Variants in CDH12 observed in about 807,000 individuals in gnomAD.
The protein encoded by CDH12 is cadherin-12.
In CDH12, 41 loss-of-function variants were observed where a neutral mutation model predicts 74.1. That is an observed-to-expected ratio of 0.55 (90% CI 0.43 to 0.72). CDH12 has a LOEUF of 0.72. Ranked by LOEUF, CDH12 falls within the 30% of genes least tolerant of loss-of-function variation. The pLI is 0.00. For synonymous variants in CDH12, 399 were observed against 355.0 expected (o/e 1.12, Z -1.39); for missense variants, 945 against 977.2 (o/e 0.97, Z 0.44).
chr5:21,944,295 T>A (rs1755471297), intron 6 of CDH12, among the ~76,000 whole-genome samples: 2 of 152,096 alleles, frequency 1.3e-5, no homozygotes, highest in South Asian at 4.1e-4. Context: ...GAACCCCGAG[T>A]TTAATCAATT....
intron 4 of CDH12, among the ~76,000 whole-genome samples, chr5:22,111,218 G>T (rs908151561): frequency 1.3e-5 from 2 of 152,014 alleles, no homozygotes; most frequent in Non-Finnish European, 2.9e-5. Flanking sequence ...TACCACTATG[G>T]AGGTAACACT....
intron 2 of CDH12, among the ~76,000 whole-genome samples, chr5:22,452,522 G>T (rs902346740): frequency 6.6e-6 from 1 of 151,680 alleles, no homozygotes; most frequent in Admixed American, 6.6e-5. Context: ...ATCCACATGC[G>T]GAAGAATGAA....
intron 4 of CDH12, among the ~76,000 whole-genome samples, chr5:22,135,206 A>T (rs1274970540): frequency 7.8e-6 from 1 of 128,958 alleles, no homozygotes; most frequent in Non-Finnish European, 1.7e-5. Context: ...CTGAACACAT[A>T]AGCAAAAAAA....
chr5:21,770,317 G>T (rs1473732342), intron 11 of CDH12, among the ~76,000 whole-genome samples: 1 of 152,092 alleles, frequency 6.6e-6, no homozygotes, highest in Admixed American at 6.6e-5. Flanking sequence ...ACATCTCTTT[G>T]GAATAACTAT....
chr5:21,810,747 T>G (rs528794549), intron 9 of CDH12, among the ~76,000 whole-genome samples: 18 of 151,240 alleles, frequency 1.2e-4, no homozygotes, highest in African/African-American at 4.1e-4. Context: ...AACAACAGCA[T>G]TCATGTGTTT....
At chr5:21,871,127 T>A (rs1166097262) in intron 6 of CDH12, among the ~76,000 whole-genome samples, 2 of 152,106 alleles carry the variant, frequency 1.3e-5, no homozygotes, top group East Asian at 1.9e-4. Flanking sequence ...TTTAAAAAAA[T>A]TTCTGAAGAT....
chr5:21,853,308 A>G (rs1445501588), intron 7 of CDH12, among the ~76,000 whole-genome samples: 1 of 151,628 alleles, frequency 6.6e-6, no homozygotes, highest in Non-Finnish European at 1.5e-5. Flanking sequence ...TATCGAAATC[A>G]GAGGAGCTTC....
rs192394832 is a variant in CDH12 at position 22,686,734 on chromosome 5, T to C, written c.-523+166324A>G. Reference sequence around the variant, plus strand: ...TCGTTCACTGAGTTGTTTTCAAGATTAAATTAAATTCAATAATACACATAA... The same window carrying C: ...TCGTTCACTGAGTTGTTTTCAAGATCAAATTAAATTCAATAATACACATAA... On this transcript the variant is annotated intron_variant, in intron 1 of 14. Coordinates refer to ENST00000382254, the MANE Select transcript of CDH12 (RefSeq NM_004061.5). Among the ~76,000 whole-genome samples the C allele has an allele frequency of 8.5e-5, 13 of 152,290 alleles. No homozygotes were observed. The East Asian group carries it at 1.2e-3, about 14-fold the overall frequency.
chr5:22,340,932 C>A (rs1739821550), intron 3 of CDH12, among the ~76,000 whole-genome samples: 2 of 152,138 alleles, frequency 1.3e-5, no homozygotes, highest in Admixed American at 1.3e-4. Context: ...GTAGTCACAT[C>A]TTTGGCATCT....
At chr5:22,550,286 T>A (rs867822727) in intron 1 of CDH12, among the ~76,000 whole-genome samples, 15 of 152,208 alleles carry the variant, frequency 9.9e-5, no homozygotes, top group South Asian at 2.1e-4. Context: ...ATATCATTTG[T>A]ATCTTGAACA....
chr5:22,536,504 T>C (rs986425182), intron 1 of CDH12, among the ~76,000 whole-genome samples: 12 of 152,102 alleles, frequency 7.9e-5, no homozygotes, highest in Non-Finnish European at 1.6e-4. Flanking sequence ...GAAAGTGGTA[T>C]TTTTTACAGG....
At chr5:22,253,166 C>A (rs1753190147) in intron 3 of CDH12, among the ~76,000 whole-genome samples, 1 of 151,712 alleles carries the variant, frequency 6.6e-6, no homozygotes, top group Admixed American at 6.6e-5. Flanking sequence ...ATATAATATA[C>A]TAATGTGAGA....
At chr5:22,153,171 T>A (rs1212808856) in intron 4 of CDH12, among the ~76,000 whole-genome samples, 3 of 134,188 alleles carry the variant, frequency 2.2e-5, no homozygotes, top group African/African-American at 7.6e-5. Context: ...TTTCTTTTCG[T>A]TTTTTTCTTT....
chr5:22,133,794 T>TTAAAA (rs56066314), intron 4 of CDH12, among the ~76,000 whole-genome samples: 23,275 of 151,952 alleles, frequency 0.15, 2,114 homozygotes, highest in African/African-American at 0.26. Context: ...TGGTGAACAG[T>TTAAAA]TAAAGTATGC....
At chr5:21,928,990 G>A (rs1387389395) in intron 6 of CDH12, among the ~76,000 whole-genome samples, 1 of 151,852 alleles carries the variant, frequency 6.6e-6, no homozygotes, top group East Asian at 1.9e-4. Context: ...CATCATACAA[G>A]ACCACCCAGA....
At chr5:22,323,642 G>T (rs1738974569) in intron 3 of CDH12, among the ~76,000 whole-genome samples, 1 of 152,160 alleles carries the variant, frequency 6.6e-6, no homozygotes, top group Non-Finnish European at 1.5e-5. Flanking sequence ...CATGACTAGT[G>T]CTCTGTAAGT....
chr5:22,153,889 A>ATATGTATATATATATATATGTATATAT (rs1561168560), intron 4 of CDH12, among the ~76,000 whole-genome samples: 1 of 42,060 alleles, frequency 2.4e-5, no homozygotes, highest in African/African-American at 6.5e-5. Flanking sequence ...TATATATATA[A>ATATGTATATATATATATATGTATATAT]ATATATATAT....
chr5:22,816,423 A>G (rs879875742), intron 1 of CDH12, among the ~76,000 whole-genome samples: 6 of 152,126 alleles, frequency 3.9e-5, no homozygotes, highest in Non-Finnish European at 7.4e-5. Flanking sequence ...GATTTCTTCA[A>G]TGCAGAGAGC....
intron 1 of CDH12, among the ~76,000 whole-genome samples, chr5:22,752,564 T>C (rs1745639766): frequency 5.0e-5 from 1 of 19,982 alleles, no homozygotes. Flanking sequence ...TTTTTTTTTT[T>C]TTTTTTTTTC....
Sources: gnomAD v4.1 joint callset for allele counts (sites outside exome capture counted in the v4.1 genomes callset) on GRCh38, gnomAD v4.1.1 for gene constraint, MANE v1.5 for transcripts, NCBI Gene and HGNC (gene_info 2026-07-23, HGNC 2026-07-21) for gene names.